The following IPPK variants were observed in gnomAD, a reference collection of about 807,000 sequenced individuals.
IPPK encodes inositol-pentakisphosphate 2-kinase, also known as IPK1 homolog.
IPPK carries 22 observed loss-of-function variants against 64.6 expected under a neutral mutation model. The ratio of observed to expected loss-of-function variants is 0.34; its 90% CI spans 0.24 to 0.49. The LOEUF (loss-of-function observed/expected upper bound fraction) is 0.49, where lower values mean the gene tolerates loss of function less well. Ranked by LOEUF, IPPK falls within the 20% of genes least tolerant of loss-of-function variation. The pLI, the probability that IPPK is intolerant of heterozygous loss-of-function variation, is 0.99. For missense variants in IPPK, 532 were observed against 630.7 expected, an observed-to-expected ratio of 0.84 and a Z score of 1.68; for synonymous variants, 262 against 247.2, an observed-to-expected ratio of 1.06 and a Z score of -0.56.
rs762511738 is a variant in IPPK at position 92,649,494 on chromosome 9, G to A, written c.373C>T (p.Arg125Cys). Residue 125 changes from arginine (R) to cysteine (C), a missense_variant, in exon 5 of 13, where the codon CGC becomes TGC. Arg to Cys is a radical substitution (Grantham distance 180, BLOSUM62 -3). Coordinates refer to ENST00000287996, the MANE Select transcript of IPPK (RefSeq NM_022755.6). ...AGAATCGGCCGGTGCTCTGCAAAGC[G>A]GTAGGTTTGGAGTCTGGTTAAATTA... is the stretch of plus-strand genomic sequence containing the variant. ...LPNLTRLQTY[R>C]FAEHRPILCV... The A allele has an allele frequency of 8.7e-6, 14 of 1,613,956 alleles. No individual in the cohort carries two copies. The highest frequency in any genetic ancestry group is 1.3e-5 in the African/African-American group (1 of 74,892).
Position 92,626,918 on chromosome 9 carries a change from G to A in IPPK, c.1171-7353C>T, listed in dbSNP as rs866472940. On this transcript the variant is annotated intron_variant, in intron 11 of 12. Coordinates refer to ENST00000287996, the MANE Select transcript of IPPK (RefSeq NM_022755.6). ...GTATGAAATGTTTAAATGCTATTAA[G>A]AAAAAAAAAAAACAGAAATGAAGCC... is the stretch of plus-strand genomic sequence containing the variant. 2.4e-3 allele frequency among the ~76,000 whole-genome samples: 326 copies of A among 138,626 alleles called. 2 individuals are homozygous for A. Among genetic ancestry groups the A allele is most frequent in the African/African-American group, 7.5e-3 (281 of 37,360 alleles). The allele number at this position is 138,626 out of a possible 152,430, so 90.9% of individuals were successfully genotyped here. A position where few individuals can be genotyped will look rare whatever the true frequency, so the allele number is the denominator to read the frequency against.
At chr9:92,638,342 A>G (rs1207223869) in intron 8 of IPPK, 62 bp from the exon 9 acceptor site, 1 of 1,552,380 alleles carries the variant, frequency 6.4e-7, no homozygotes, top group Non-Finnish European at 8.8e-7. Context: ...AAAAGAACTC[A>G]GTCCCCACCA....
chr9:92,626,493 G>A (rs1231190072), intron 11 of IPPK, among the ~76,000 whole-genome samples: 1 of 152,110 alleles, frequency 6.6e-6, no homozygotes, highest in East Asian at 1.9e-4. Context: ...GGAAGATAGA[G>A]CTGAAAAAAG....
Position 92,634,504 on chromosome 9 carries a change from C to T in IPPK, c.1068-16G>A. The T allele has an allele frequency of 6.3e-7, 1 of 1,582,724 alleles. No individual in the cohort carries two copies. Among genetic ancestry groups the T allele is most frequent in the East Asian group, 2.2e-5 (1 of 44,716 alleles). ...TAAGGTTTTTCTGAAGAAGAAAGCA[C>T]AATAAAAACAGGATGACAAAGCCGC... is the stretch of plus-strand genomic sequence containing the variant. On this transcript the variant is annotated splice_polypyrimidine_tract_variant and intron_variant, in intron 10 of 12. Coordinates refer to ENST00000287996, the MANE Select transcript of IPPK (RefSeq NM_022755.6).
At chr9:92,651,827 T>A (rs1392632683) in intron 4 of IPPK, among the ~76,000 whole-genome samples, 1 of 152,220 alleles carries the variant, frequency 6.6e-6, no homozygotes, top group Non-Finnish European at 1.5e-5. Flanking sequence ...GCGATTCTCC[T>A]GCCTCAACTT....
intron 5 of IPPK, among the ~76,000 whole-genome samples, chr9:92,649,165 T>C (rs1447519738): frequency 6.6e-6 from 1 of 152,206 alleles, no homozygotes; most frequent in Non-Finnish European, 1.5e-5. Flanking sequence ...CGCTTCCCTC[T>C]GGTGACCCTC....
intron 11 of IPPK, among the ~76,000 whole-genome samples, chr9:92,633,530 TTTTAA>T (rs1236977875): frequency 6.6e-6 from 1 of 152,164 alleles, no homozygotes; most frequent in East Asian, 1.9e-4. Context: ...CCAGCTAATT[TTTTAA>T]TTTTTCTTTT....
At position 92,618,025 on chromosome 9, in the gene IPPK, G is replaced by A. The variant is rs1026491603; in HGVS notation, c.1250+1461C>T. 1.1e-4 allele frequency: 40 copies of A among 348,870 alleles called. 1 individual carries two copies. In the Admixed American group the frequency reaches 1.5e-3, roughly 13 times the overall value. The allele number at this position is 348,870 out of a possible 1,614,324, so 21.6% of individuals were successfully genotyped here. ...GTCTCAGGTCTACCAGGTATCTCAA[G>A]ACGCCAAGATGACTCATGATAAATC... is the stretch of plus-strand genomic sequence containing the variant. On this transcript the variant is annotated intron_variant, in intron 12 of 12. Transcript: ENST00000287996.
At chr9:92,647,286 A>G (rs1266383786) in intron 6 of IPPK, among the ~76,000 whole-genome samples, 1 of 152,188 alleles carries the variant, frequency 6.6e-6, no homozygotes, top group East Asian at 1.9e-4. Context: ...ATCTTCTAAC[A>G]AAGAAAATCC....
Position 92,613,199 on chromosome 9 carries a change from C to T in IPPK, c.*2633G>A. 1 of 1,608,186 alleles carries T rather than the reference C, an allele frequency of 6.2e-7. No homozygotes were observed. Among genetic ancestry groups the T allele is most frequent in the Non-Finnish European group, 8.5e-7 (1 of 1,175,074 alleles). ...TGAAGATGCTGCGTGGAGGAACATG[C>T]AATTTTATTCAATATAAACATTTGC... On this transcript the variant is annotated 3_prime_UTR_variant, in exon 13 of 13. Transcript: ENST00000287996.
At chr9:92,660,109 C>G (rs1368323967) in intron 1 of IPPK, among the ~76,000 whole-genome samples, 1 of 152,098 alleles carries the variant, frequency 6.6e-6, no homozygotes, top group Non-Finnish European at 1.5e-5. Context: ...AGTCCTAACT[C>G]TAGACAGCTC....
chr9:92,637,016 C>A (rs10992387), intron 9 of IPPK, among the ~76,000 whole-genome samples: 7,191 of 151,796 alleles, frequency 0.047, 239 homozygotes, highest in South Asian at 0.11. Flanking sequence ...AAAAAAAAAA[C>A]CCCCACAAAG....
At chr9:92,626,991 T>C (rs1307119597) in intron 11 of IPPK, among the ~76,000 whole-genome samples, 1 of 150,220 alleles carries the variant, frequency 6.7e-6, no homozygotes, top group African/African-American at 2.4e-5. Flanking sequence ...GTGGACAAAA[T>C]ATGAATATAT....
chr9:92,664,522 T>G (rs1360054692), intron 1 of IPPK, among the ~76,000 whole-genome samples: 1 of 151,956 alleles, frequency 6.6e-6, no homozygotes, highest in Non-Finnish European at 1.5e-5. Flanking sequence ...CAGGCACAGG[T>G]GTGGGCCATG....
intron 7 of IPPK, among the ~76,000 whole-genome samples, 177 bp from the exon 8 acceptor site, chr9:92,640,959 C>T (rs1852034470): frequency 6.6e-6 from 1 of 152,204 alleles, no homozygotes; most frequent in African/African-American, 2.4e-5. Flanking sequence ...CCACCATGGG[C>T]TCCCTCCCCG....
intron 11 of IPPK, among the ~76,000 whole-genome samples, chr9:92,624,675 G>A (rs985332937): frequency 3.9e-5 from 6 of 151,986 alleles, no homozygotes; most frequent in Non-Finnish European, 5.9e-5. Context: ...TTTTCTCATC[G>A]TTATGATAAA....
intron 1 of IPPK, among the ~76,000 whole-genome samples, chr9:92,666,585 G>T (rs754825345): frequency 2.0e-5 from 3 of 152,168 alleles, no homozygotes; most frequent in Non-Finnish European, 2.9e-5. Flanking sequence ...GCTGCCGAGA[G>T]CCTCTCAAGC....
Position 92,635,911 on chromosome 9 carries a change from C to G in IPPK, c.917-603G>C, listed in dbSNP as rs1851933758. ...AGAGCCATGAGCCCACACTGAGAGG[C>G]AGGTAAGACCTGGGCTGGCGACAGG... On this transcript the variant is annotated intron_variant, in intron 9 of 12. Coordinates refer to ENST00000287996, the MANE Select transcript of IPPK (RefSeq NM_022755.6). The surrounding 1 kb of genome is among the most constrained non-coding windows in gnomAD (Gnocchi z 4.4). Among the ~76,000 whole-genome samples the G allele has an allele frequency of 1.3e-5, 2 of 152,120 alleles. No homozygotes were observed. The highest frequency in any genetic ancestry group is 4.8e-5 in the African/African-American group (2 of 41,418).
At chr9:92,642,948 CT>C in intron 6 of IPPK, 138 bp from the exon 7 acceptor site, 1 of 722,114 alleles carries the variant, frequency 1.4e-6, no homozygotes. Flanking sequence ...GTGCCACCAC[CT>C]TTGCAGGTGC....
Sources: allele counts gnomAD v4.1 joint callset (sites outside exome capture counted in the v4.1 genomes callset), GRCh38; gene constraint gnomAD v4.1.1; non-coding constraint Gnocchi (gnomAD v3.1); transcripts MANE v1.5; gene names NCBI Gene and HGNC (gene_info 2026-07-23, HGNC 2026-07-21).